PCDH9: variants seen among roughly 807,000 people sequenced by gnomAD.
The protein encoded by PCDH9 is protocadherin-9.
A neutral mutation model predicts 70.6 loss-of-function variants in PCDH9; 24 were observed. The observed-to-expected ratio is 0.34, with a 90% CI of 0.25 to 0.48. The LOEUF (loss-of-function observed/expected upper bound fraction) is 0.48. PCDH9 is among the 20% of genes least tolerant of loss of function. The probability of loss-of-function intolerance (pLI) is 0.99; values close to 1 mark genes in which losing one functional copy is unlikely to be tolerated. For synonymous variants in PCDH9, 562 were observed against 558.5 expected (o/e 1.01, Z -0.09); for missense variants, 1,281 against 1,503.6 (o/e 0.85, Z 2.45).
intron 4 of PCDH9, among the ~76,000 whole-genome samples, chr13:66,376,223 C>A (rs1316797615): frequency 6.6e-6 from 1 of 152,046 alleles, no homozygotes; most frequent in African/African-American, 2.4e-5. Flanking sequence ...TGCCTTTAAA[C>A]AACTCACTAG....
intron 2 of PCDH9, among the ~76,000 whole-genome samples, chr13:67,174,023 A>G (rs2088370842): frequency 6.6e-6 from 1 of 152,132 alleles, no homozygotes; most frequent in Admixed American, 6.5e-5. Flanking sequence ...TAATCTATTC[A>G]TAGTATTATT....
chr13:66,502,273 T>C (rs1336203641), intron 4 of PCDH9, among the ~76,000 whole-genome samples: 1 of 152,174 alleles, frequency 6.6e-6, no homozygotes, highest in South Asian at 2.1e-4. Context: ...AGGTTATTAT[T>C]GTTGTAGTAC....
chr13:66,608,697 C>G (rs1472161256), intron 4 of PCDH9, among the ~76,000 whole-genome samples: 3 of 151,764 alleles, frequency 2.0e-5, no homozygotes, highest in Non-Finnish European at 2.9e-5. Flanking sequence ...CAACACTCAG[C>G]CCCAAATTCA....
chr13:66,449,071 G>A (rs1304892538), intron 4 of PCDH9, among the ~76,000 whole-genome samples: 1 of 152,062 alleles, frequency 6.6e-6, no homozygotes, highest in Non-Finnish European at 1.5e-5. Flanking sequence ...AAGAGACAAG[G>A]GGATAAAATC....
At chr13:66,771,934 T>C (rs2079815059) in intron 3 of PCDH9, among the ~76,000 whole-genome samples, 1 of 152,216 alleles carries the variant, frequency 6.6e-6, no homozygotes, top group Non-Finnish European at 1.5e-5. Context: ...TATGTGTTGA[T>C]TTTTAGAAAA....
At chr13:66,551,152 GCTAAGAGTGTCTTTA>G (rs1282134684) in intron 4 of PCDH9, among the ~76,000 whole-genome samples, 1 of 151,994 alleles carries the variant, frequency 6.6e-6, no homozygotes, top group Admixed American at 6.6e-5. Context: ...GTTATTGTTG[GCTAAGAGTGTCTTTA>G]CTTTGAGGTG....
intron 4 of PCDH9, among the ~76,000 whole-genome samples, chr13:66,576,069 T>TAAAA (rs1239561008): frequency 2.3e-4 from 24 of 106,080 alleles, no homozygotes; most frequent in African/African-American, 8.0e-4. Flanking sequence ...TCACAGCAGA[T>TAAAA]AAAAAAAAAA....
chr13:66,463,860 C>T (rs1025848424), intron 4 of PCDH9, among the ~76,000 whole-genome samples: 1 of 151,788 alleles, frequency 6.6e-6, no homozygotes, highest in Non-Finnish European at 1.5e-5. Flanking sequence ...TTTTACCAGA[C>T]ATTGGCTTGA....
intron 4 of PCDH9, among the ~76,000 whole-genome samples, chr13:66,439,090 A>T (rs1957929296): frequency 6.6e-6 from 1 of 152,180 alleles, no homozygotes; most frequent in South Asian, 2.1e-4. Flanking sequence ...TCAGAATGAG[A>T]TTAAATAGCT....
chr13:66,318,090 G>T (rs1042460075), intron 4 of PCDH9, among the ~76,000 whole-genome samples: 2 of 152,080 alleles, frequency 1.3e-5, no homozygotes, highest in African/African-American at 4.8e-5. Context: ...CCCTCTCAGG[G>T]TGATACATAG....
chr13:66,510,625 C>T (rs900033226), intron 4 of PCDH9, among the ~76,000 whole-genome samples: 1 of 151,990 alleles, frequency 6.6e-6, no homozygotes, highest in South Asian at 2.1e-4. Context: ...GTTTTTTGTC[C>T]TTGCGATAGT....
intron 4 of PCDH9, among the ~76,000 whole-genome samples, chr13:66,402,209 A>G (rs1957200584): frequency 6.6e-6 from 1 of 152,180 alleles, no homozygotes; most frequent in Non-Finnish European, 1.5e-5. Context: ...CAAGATGAAT[A>G]AAGGTGACAG....
At chr13:67,070,175 T>A (rs1377271526) in intron 2 of PCDH9, among the ~76,000 whole-genome samples, 1 of 151,946 alleles carries the variant, frequency 6.6e-6, no homozygotes, top group Admixed American at 6.6e-5. Context: ...TATCGTTACC[T>A]TGTTTTATTG....
chr13:66,600,764 ACGTGTGTG>A (rs1181816979), intron 4 of PCDH9, among the ~76,000 whole-genome samples: 1 of 51,320 alleles, frequency 1.9e-5, no homozygotes, highest in Non-Finnish European at 5.0e-5. Flanking sequence ...CTAATTAAGA[ACGTGTGTG>A]TGTGTGTGTG....
chr13:66,781,882 G>A (rs1432386862), intron 3 of PCDH9, among the ~76,000 whole-genome samples: 5 of 8,016 alleles, frequency 6.2e-4, no homozygotes, highest in Admixed American at 6.4e-3. Flanking sequence ...GCTACATCTC[G>A]GGCTCAATCA....
intron 3 of PCDH9, among the ~76,000 whole-genome samples, chr13:66,846,540 A>T (rs1163843117): frequency 6.6e-6 from 1 of 152,098 alleles, no homozygotes; most frequent in Admixed American, 6.5e-5. Context: ...AATATGATTC[A>T]TATTGTTTGT....
intron 4 of PCDH9, among the ~76,000 whole-genome samples, chr13:66,456,307 C>A (rs1228341660): frequency 2.0e-5 from 3 of 152,068 alleles, no homozygotes; most frequent in African/African-American, 4.8e-5. Context: ...GTTGTCCCAG[C>A]CTGGAGTGCG....
chr13:66,752,385 C>T (rs1362290704), intron 3 of PCDH9, among the ~76,000 whole-genome samples: 2 of 152,144 alleles, frequency 1.3e-5, no homozygotes, highest in Non-Finnish European at 2.9e-5. Context: ...CAGCCTTGAC[C>T]TCCTGAGCTC....
At chr13:66,432,334 G>A (rs936426831) in intron 4 of PCDH9, among the ~76,000 whole-genome samples, 1 of 151,862 alleles carries the variant, frequency 6.6e-6, no homozygotes, top group Non-Finnish European at 1.5e-5. Flanking sequence ...GGAATTTGTG[G>A]CAACATGACG....
Sources: allele counts gnomAD v4.1 joint callset (sites outside exome capture counted in the v4.1 genomes callset), GRCh38; gene constraint gnomAD v4.1.1; transcripts MANE v1.5; gene names NCBI Gene and HGNC (gene_info 2026-07-23, HGNC 2026-07-21).